SLC35F4: variants seen among roughly 807,000 people sequenced by gnomAD.
SLC35F4 encodes the protein chromosome 14 open reading frame 36.
SLC35F4 carries 24 observed loss-of-function variants against 44.2 expected under a neutral mutation model. That is an observed-to-expected ratio of 0.54 (90% CI 0.39 to 0.76). The LOEUF (loss-of-function observed/expected upper bound fraction) is 0.76. SLC35F4 is among the 30% of genes least tolerant of loss of function. SLC35F4 has a pLI of 0.00. For synonymous variants in SLC35F4, 238 were observed against 223.6 expected (o/e 1.06, Z -0.57); for missense variants, 562 against 586.1 (o/e 0.96, Z 0.42).
At chr14:57,959,212 T>C (rs1890298178) in intron 1 of SLC35F4, among the ~76,000 whole-genome samples, 1 of 152,218 alleles carries the variant, frequency 6.6e-6, no homozygotes, top group Admixed American at 6.5e-5. Context: ...TTCAAAGGTA[T>C]AAAAAAGCAG....
intron 2 of SLC35F4, among the ~76,000 whole-genome samples, chr14:57,592,465 T>G (rs935096826): frequency 2.0e-5 from 3 of 152,202 alleles, no homozygotes; most frequent in African/African-American, 7.2e-5. Context: ...CAGATGATCT[T>G]TAATGATATG....
In SLC35F4 at chr14:57,977,199, A is replaced by G. The variant is rs571542059; in HGVS notation, n.152-242T>C. Among the ~76,000 whole-genome samples the G allele has an allele frequency of 2.6e-5, 4 of 152,246 alleles. No individual in the cohort carries two copies. The East Asian group carries it at 7.7e-4, about 29-fold the overall frequency. The stretch of plus-strand genomic sequence containing the variant: ...CTTAGGGGAATTTTTTTTGGATTTG[A>G]GTGCTCTAATTTATATAACTAGATT... On this transcript the variant is annotated intron_variant and non_coding_transcript_variant, in intron 1 of 1. Coordinates refer to the SLC35F4 transcript ENST00000554648.
chr14:57,773,658 A>C (rs1397452888), intron 1 of SLC35F4, among the ~76,000 whole-genome samples: 1 of 151,364 alleles, frequency 6.6e-6, no homozygotes, highest in Admixed American at 6.6e-5. Context: ...AAATAGACAA[A>C]AAAAAAAGGC....
chr14:57,711,432 T>TA (rs1179821604), intron 1 of SLC35F4, among the ~76,000 whole-genome samples: 4 of 151,904 alleles, frequency 2.6e-5, no homozygotes, highest in East Asian at 1.9e-4. Context: ...GGTTTAGAAG[T>TA]AAAAAAAAGT....
At chr14:57,652,333 T>C (rs985201449) in intron 1 of SLC35F4, among the ~76,000 whole-genome samples, 5 of 152,118 alleles carry the variant, frequency 3.3e-5, no homozygotes, top group African/African-American at 9.7e-5. Context: ...GCTCCTCCAG[T>C]TTCCCTAGCA....
At chr14:57,646,927 C>T (rs867402037) in intron 1 of SLC35F4, among the ~76,000 whole-genome samples, 11 of 152,200 alleles carry the variant, frequency 7.2e-5, no homozygotes, top group South Asian at 6.2e-4. Flanking sequence ...TGTAGTTGAG[C>T]GGTTTTGAGT....
chr14:57,800,319 C>T (rs113036364), intron 1 of SLC35F4, among the ~76,000 whole-genome samples: 10,522 of 152,210 alleles, frequency 0.069, 637 homozygotes, highest in East Asian at 0.18. Flanking sequence ...AAAACAACAA[C>T]AACATCAACA....
At chr14:57,712,759 T>C (rs2075845404) in intron 1 of SLC35F4, among the ~76,000 whole-genome samples, 2 of 152,280 alleles carry the variant, frequency 1.3e-5, no homozygotes, top group African/African-American at 4.8e-5. Flanking sequence ...TGCATATTTA[T>C]ATTCCATAAT....
intron 1 of SLC35F4, among the ~76,000 whole-genome samples, chr14:57,647,178 G>A (rs2140184577): frequency 6.6e-6 from 1 of 151,136 alleles, no homozygotes; most frequent in South Asian, 2.1e-4. Context: ...GGATATCCTT[G>A]TTGACTTTCT....
chr14:57,781,289 A>T (rs766568436), intron 1 of SLC35F4, among the ~76,000 whole-genome samples: 3 of 152,222 alleles, frequency 2.0e-5, no homozygotes, highest in Non-Finnish European at 2.9e-5. Context: ...GAAGACATAC[A>T]TGTGCCCAAC....
chr14:57,855,729 C>A (rs1325407023), intron 1 of SLC35F4, among the ~76,000 whole-genome samples: 2 of 152,148 alleles, frequency 1.3e-5, no homozygotes, highest in African/African-American at 4.8e-5. Flanking sequence ...ACTATAAAGA[C>A]TTACACACAC....
rs540674871 is a variant in SLC35F4, at chr14:57,927,094, G to A, written n.282+54819C>T. ...GTGACCTGCCTCAGAGATGGCCCCT[G>A]CAAGTGACACCCCACTGACACTACA... On this transcript the variant is annotated intron_variant and non_coding_transcript_variant, in intron 1 of 1. Coordinates refer to the SLC35F4 transcript ENST00000556568. Among the ~76,000 whole-genome samples, 5 of 152,316 alleles carry A rather than the reference G, an allele frequency of 3.3e-5. No homozygotes were observed. In the South Asian group the frequency reaches 1.0e-3, roughly 32 times the overall value.
Position 57,644,646 on chromosome 14 carries a change from T to C in SLC35F4, c.104-50522A>G, listed in dbSNP as rs1262887039. The stretch of plus-strand genomic sequence containing the variant: ...AGATCCCATTTGTCAATTTTGGCTT[T>C]TGTTGCCATTGCTTTTGGTGTTTTA... On this transcript the variant is annotated intron_variant, in intron 1 of 7. Coordinates refer to ENST00000556826, the MANE Select transcript of SLC35F4 (RefSeq NM_001306087.2). 2.0e-5 allele frequency among the ~76,000 whole-genome samples: 3 copies of C among 152,212 alleles called. 1 individual carries two copies. The highest frequency in any genetic ancestry group is 6.3e-3 in the Middle Eastern group (2 of 316).
At chr14:57,576,764 G>T (rs1251938538) in intron 4 of SLC35F4, among the ~76,000 whole-genome samples, 2 of 152,082 alleles carry the variant, frequency 1.3e-5, no homozygotes, top group Admixed American at 1.3e-4. Context: ...CTACATGCAT[G>T]GATTTTTATC....
chr14:57,678,676 TTTACC>T (rs2074784453), intron 1 of SLC35F4, among the ~76,000 whole-genome samples: 2 of 150,874 alleles, frequency 1.3e-5, no homozygotes, highest in Non-Finnish European at 3.0e-5. Flanking sequence ...TGGAGGAATA[TTTACC>T]AAGCAAATGG....
chr14:57,725,507 C>T (rs1319518905), intron 1 of SLC35F4, among the ~76,000 whole-genome samples: 1 of 152,212 alleles, frequency 6.6e-6, no homozygotes, highest in Non-Finnish European at 1.5e-5. Context: ...GCCAAGACTA[C>T]CATCCATAGA....
At chr14:57,568,672 C>G (rs1256284157) in intron 6 of SLC35F4, among the ~76,000 whole-genome samples, 1 of 152,148 alleles carries the variant, frequency 6.6e-6, no homozygotes, top group Non-Finnish European at 1.5e-5. Context: ...AATCAATACT[C>G]TTGCAGGGAT....
chr14:57,953,726 A>G (rs1890184957), intron 1 of SLC35F4, among the ~76,000 whole-genome samples: 1 of 152,234 alleles, frequency 6.6e-6, no homozygotes, highest in Non-Finnish European at 1.5e-5. Flanking sequence ...AGAAGACCTA[A>G]CTGTCCTAAA....
intron 1 of SLC35F4, among the ~76,000 whole-genome samples, chr14:57,765,258 T>A (rs898729342): frequency 3.9e-5 from 6 of 152,206 alleles, no homozygotes; most frequent in African/African-American, 1.4e-4. Flanking sequence ...GGAGTGGAGA[T>A]TCTCTTGGAG....
Sources: allele counts gnomAD v4.1 joint callset (sites outside exome capture counted in the v4.1 genomes callset), GRCh38; gene constraint gnomAD v4.1.1; transcripts MANE v1.5; gene names NCBI Gene and HGNC (gene_info 2026-07-23, HGNC 2026-07-21).